Variants in ROR1 observed in about 807,000 individuals in gnomAD.
ROR1 encodes inactive tyrosine-protein kinase transmembrane receptor ROR1.
A neutral mutation model predicts 78.8 loss-of-function variants in ROR1; 19 were observed. The observed-to-expected ratio is 0.24, with a 90% CI of 0.17 to 0.35. The LOEUF (loss-of-function observed/expected upper bound fraction) is 0.35, where lower values mean the gene tolerates loss of function less well. Ranked by LOEUF, ROR1 falls within the 10% of genes least tolerant of loss-of-function variation. ROR1 has a pLI of 1.00. For missense variants in ROR1, 917 were observed against 1,177.8 expected (o/e 0.78, Z 3.24); for synonymous variants, 386 against 433.6 (o/e 0.89, Z 1.36).
rs1051179623 is a variant in ROR1 at position 63,858,952 on chromosome 1, C to T, written c.91+84444C>T. On this transcript the variant is annotated intron_variant, in intron 1 of 8. Transcript: ENST00000371079. ...TATAGTTACTGATTTAAATGTGTTC[C>T]GTCTTGGGATGTGAGATGGGATAAT... 1.4e-4 allele frequency among the ~76,000 whole-genome samples: 22 copies of T among 151,974 alleles called. No homozygotes were observed. The East Asian group carries it at 2.5e-3, about 17-fold the overall frequency.
At chr1:63,994,041 A>T (rs1646317040) in intron 1 of ROR1, among the ~76,000 whole-genome samples, 1 of 152,126 alleles carries the variant, frequency 6.6e-6, no homozygotes, top group Admixed American at 6.5e-5. Context: ...CATATTTCCA[A>T]TCTGATTGGG....
intron 1 of ROR1, among the ~76,000 whole-genome samples, chr1:63,806,029 T>C (rs903680268): frequency 3.3e-5 from 5 of 152,158 alleles, no homozygotes; most frequent in African/African-American, 7.2e-5. Context: ...AAAAAATAAA[T>C]AAAAATGCTC....
intron 4 of ROR1, among the ~76,000 whole-genome samples, chr1:64,059,828 C>T (rs1015814581): frequency 2.0e-5 from 3 of 151,900 alleles, no homozygotes; most frequent in Admixed American, 2.0e-4. Flanking sequence ...TTTAAGGAAA[C>T]CTCTGTCCAG....
intron 1 of ROR1, among the ~76,000 whole-genome samples, chr1:63,959,537 C>G (rs144458859): frequency 1.3e-5 from 2 of 152,308 alleles, no homozygotes; most frequent in African/African-American, 4.8e-5. Context: ...CTCCTTCCTT[C>G]TAAGGATCTT....
intron 4 of ROR1, among the ~76,000 whole-genome samples, chr1:64,070,895 T>G (rs995854951): frequency 1.3e-5 from 2 of 152,082 alleles, no homozygotes; most frequent in East Asian, 3.9e-4. Flanking sequence ...GGGTAGGAAA[T>G]GGGCAACTTT....
intron 2 of ROR1, among the ~76,000 whole-genome samples, chr1:64,030,978 T>C (rs909843573): frequency 6.6e-6 from 1 of 152,094 alleles, no homozygotes; most frequent in African/African-American, 2.4e-5. Flanking sequence ...CTGGCCTCAA[T>C]CGATCTTCCC....
At chr1:63,823,229 A>G (rs910129019) in intron 1 of ROR1, among the ~76,000 whole-genome samples, 15 of 152,076 alleles carry the variant, frequency 9.9e-5, no homozygotes, top group Admixed American at 9.8e-4. Flanking sequence ...CTCCCAATCC[A>G]TGATGGGACT....
At chr1:63,983,031 A>T (rs1040511936) in intron 1 of ROR1, among the ~76,000 whole-genome samples, 3 of 152,232 alleles carry the variant, frequency 2.0e-5, no homozygotes, top group Non-Finnish European at 4.4e-5. Flanking sequence ...TGCTATTATT[A>T]TGCTTTCTTA....
chr1:63,920,017 C>A (rs1189681023), intron 1 of ROR1, among the ~76,000 whole-genome samples: 3 of 152,096 alleles, frequency 2.0e-5, no homozygotes, highest in Admixed American at 1.3e-4. Flanking sequence ...TATAGAAATG[C>A]AGTTATTTTT....
chr1:63,824,490 C>T (rs1644942061), intron 1 of ROR1, among the ~76,000 whole-genome samples: 1 of 152,096 alleles, frequency 6.6e-6, no homozygotes, highest in African/African-American at 2.4e-5. Flanking sequence ...CAAAAATAGA[C>T]AGTGAGCTGG....
chr1:63,874,850 C>T lies in ROR1; in HGVS notation c.91+100342C>T, dbSNP rs148580912. Among the ~76,000 whole-genome samples the T allele has an allele frequency of 1.7e-3, 258 of 151,976 alleles. 3 individuals carry two copies. The highest frequency in any genetic ancestry group is 0.015 in the East Asian group (78 of 5,176). On this transcript the variant is annotated intron_variant, in intron 1 of 8. Transcript: ENST00000371079. ...CATTTTCTCTCCTTCTTGCTCTCCA[C>T]AGGGCAAGTTTCATTTCATCAATTT... is the stretch of plus-strand genomic sequence containing the variant.
At chr1:64,138,972 G>C (rs1000854671) in intron 5 of ROR1, among the ~76,000 whole-genome samples, 8 of 151,790 alleles carry the variant, frequency 5.3e-5, no homozygotes, top group Non-Finnish European at 1.2e-4. Context: ...AGACCAGCCC[G>C]GCCTACATAG....
chr1:63,940,706 G>T (rs2100456323), intron 1 of ROR1, among the ~76,000 whole-genome samples: 1 of 152,288 alleles, frequency 6.6e-6, no homozygotes, highest in Non-Finnish European at 1.5e-5. Flanking sequence ...TAGAGAGAGA[G>T]GGGTTGATAA....
At chr1:64,101,574 C>T (rs867228959) in intron 4 of ROR1, among the ~76,000 whole-genome samples, 4 of 152,074 alleles carry the variant, frequency 2.6e-5, no homozygotes, top group African/African-American at 4.8e-5. Flanking sequence ...GTTCTAAGAA[C>T]GAAGGATATG....
chr1:63,859,039 A>G (rs1334070114), intron 1 of ROR1, among the ~76,000 whole-genome samples: 1 of 152,208 alleles, frequency 6.6e-6, no homozygotes, highest in African/African-American at 2.4e-5. Context: ...CCTTTGTACA[A>G]ACTGCCCCTT....
chr1:63,994,268 C>T (rs889490068), intron 1 of ROR1, among the ~76,000 whole-genome samples: 1 of 151,974 alleles, frequency 6.6e-6, no homozygotes, highest in African/African-American at 2.4e-5. Context: ...TTTTGAGCTG[C>T]AATAATTTTG....
At chr1:64,002,003 C>T (rs776862214) in intron 1 of ROR1, among the ~76,000 whole-genome samples, 4 of 151,970 alleles carry the variant, frequency 2.6e-5, no homozygotes, top group Non-Finnish European at 5.9e-5. Flanking sequence ...GGCTAGGGGA[C>T]AGGGAGGCTG....
chr1:64,064,878 A>G (rs1394903906), intron 4 of ROR1, among the ~76,000 whole-genome samples: 1 of 152,052 alleles, frequency 6.6e-6, no homozygotes, highest in Non-Finnish European at 1.5e-5. Context: ...TTTTCAGAAT[A>G]TTTTTTCTTT....
chr1:63,809,423 A>C (rs1319014281), intron 1 of ROR1, among the ~76,000 whole-genome samples: 1 of 152,176 alleles, frequency 6.6e-6, no homozygotes, highest in Non-Finnish European at 1.5e-5. Context: ...TTAATTTCTA[A>C]AGAGATTCTA....
Sources: gnomAD v4.1 joint callset for allele counts (sites outside exome capture counted in the v4.1 genomes callset) on GRCh38, gnomAD v4.1.1 for gene constraint, MANE v1.5 for transcripts, NCBI Gene and HGNC (gene_info 2026-07-23, HGNC 2026-07-21) for gene names.